RASGRP3: variants seen among roughly 807,000 people sequenced by gnomAD.
The protein encoded by RASGRP3 is ras guanyl-releasing protein 3.
A neutral mutation model predicts 82.7 loss-of-function variants in RASGRP3; 54 were observed. That is an observed-to-expected ratio of 0.65 (90% confidence interval 0.52 to 0.82). The LOEUF (loss-of-function observed/expected upper bound fraction) is 0.82, where lower values mean the gene tolerates loss of function less well. RASGRP3 is among the 40% of genes least tolerant of loss of function. The pLI is 0.00. For synonymous variants in RASGRP3, 309 were observed against 300.5 expected, an observed-to-expected ratio of 1.03 and a Z score of -0.29; for missense variants, 861 against 828.9, an observed-to-expected ratio of 1.04 and a Z score of -0.48.
intron 1 of RASGRP3, among the ~76,000 whole-genome samples, chr2:33,484,050 G>C (rs943093155): frequency 6.6e-6 from 1 of 151,904 alleles, no homozygotes; most frequent in African/African-American, 2.4e-5. Context: ...GTTTTGTTTT[G>C]AGAAAGTAAA....
At chr2:33,442,627 A>G (rs533057777) in intron 1 of RASGRP3, among the ~76,000 whole-genome samples, 33 of 152,368 alleles carry the variant, frequency 2.2e-4, no homozygotes, top group African/African-American at 7.5e-4. Context: ...GGAAAAGATT[A>G]TGATGCACTG....
intron 1 of RASGRP3, among the ~76,000 whole-genome samples, chr2:33,491,599 A>G (rs1181864602): frequency 6.6e-6 from 1 of 152,046 alleles, no homozygotes; most frequent in African/African-American, 2.4e-5. Context: ...TGGTGTAGAG[A>G]TTGCATGTAT....
At chr2:33,560,695 A>G (rs1480970988) in intron 17 of RASGRP3, among the ~76,000 whole-genome samples, 1 of 152,250 alleles carries the variant, frequency 6.6e-6, no homozygotes, top group Non-Finnish European at 1.5e-5. Flanking sequence ...CTGGAATGTC[A>G]GAAAAAGAGC....
intron 1 of RASGRP3, among the ~76,000 whole-genome samples, chr2:33,437,159 A>C (rs1396680778): frequency 6.6e-6 from 1 of 152,218 alleles, no homozygotes; most frequent in Non-Finnish European, 1.5e-5. Context: ...ACAGCACTGA[A>C]TAGTTTCCAG....
At position 33,546,267 on chromosome 2, in the gene RASGRP3, C is replaced by A. The variant is rs948109293; in HGVS notation, c.1394+2640C>A. ...TGAAACTCTGTCTCTACTAAAAATA[C>A]AAAAAATTAGCCAGGCTTGGTGGCG... On this transcript the variant is annotated intron_variant, in intron 13 of 17. Transcript: ENST00000403687. 6.7e-4 allele frequency among the ~76,000 whole-genome samples: 102 copies of A among 151,526 alleles called. 2 individuals carry two copies. The highest frequency in any genetic ancestry group is 9.9e-4 in the Non-Finnish European group (67 of 67,820).
intron 13 of RASGRP3, among the ~76,000 whole-genome samples, chr2:33,545,623 T>C (rs1674655327): frequency 6.6e-6 from 1 of 152,228 alleles, no homozygotes; most frequent in African/African-American, 2.4e-5. Flanking sequence ...CTCTTCATTA[T>C]GAAATCTGTG....
rs774497562 is a variant in RASGRP3 at position 33,543,542 on chromosome 2, G to C, written c.1309G>C (p.Asp437His). Reference sequence around the variant, plus strand: ...ATTTAGAAACTATGATCACGACCATGATGGGTACATTTCCCAAGAGGACTT... The same window carrying C: ...ATTTAGAAACTATGATCACGACCATCATGGGTACATTTCCCAAGAGGACTT... ...SVFRNYDHDH[D>H]GYISQEDFES... The change falls in exon 13 of 18, where the codon GAT becomes CAT. Residue 437 changes from aspartate (D) to histidine (H), a missense_variant. Physicochemically the swap from Asp to His is moderately conservative, Grantham distance 81. Transcript: ENST00000403687. 3.1e-6 allele frequency: 5 copies of C among 1,609,826 alleles called. No individual in the cohort carries two copies. Among genetic ancestry groups the C allele is most frequent in the Middle Eastern group, 1.7e-4 (1 of 6,054 alleles).
At chr2:33,538,417 C>G (rs551610981) in intron 11 of RASGRP3, among the ~76,000 whole-genome samples, 1 of 151,610 alleles carries the variant, frequency 6.6e-6, no homozygotes, top group African/African-American at 2.4e-5. Context: ...GCACAAGAAT[C>G]GCTTGAACTT....
At chr2:33,506,515 G>A (rs917482073) in intron 1 of RASGRP3, among the ~76,000 whole-genome samples, 3 of 152,222 alleles carry the variant, frequency 2.0e-5, no homozygotes, top group East Asian at 3.9e-4. Flanking sequence ...GTCACATTAC[G>A]TTGCGACCAA....
intron 12 of RASGRP3, chr2:33,539,458 G>C: frequency 2.8e-6 from 1 of 353,970 alleles, no homozygotes; most frequent in Non-Finnish European, 5.2e-6. Context: ...CTCTTTCACA[G>C]GCATTTGCCA....
intron 1 of RASGRP3, among the ~76,000 whole-genome samples, chr2:33,447,499 G>C (rs1040321780): frequency 6.6e-6 from 1 of 151,254 alleles, no homozygotes; most frequent in African/African-American, 2.4e-5. Context: ...GCAGTGGTCC[G>C]ATCTTGGCTC....
At chr2:33,523,633 C>T (rs985225475) in intron 7 of RASGRP3, among the ~76,000 whole-genome samples, 1 of 152,042 alleles carries the variant, frequency 6.6e-6, no homozygotes, top group African/African-American at 2.4e-5. Flanking sequence ...CTTTCTCCTC[C>T]CACCAAAGCT....
chr2:33,534,997 C>T (rs1292581057), intron 11 of RASGRP3, among the ~76,000 whole-genome samples: 1 of 151,992 alleles, frequency 6.6e-6, no homozygotes, highest in African/African-American at 2.4e-5. Context: ...CTCATTACAC[C>T]TAGGACCAAA....
intron 17 of RASGRP3, among the ~76,000 whole-genome samples, chr2:33,561,540 G>GGAA (rs1243648976): frequency 6.6e-6 from 1 of 151,566 alleles, no homozygotes; most frequent in Non-Finnish European, 1.5e-5. Context: ...TAGGGAATAA[G>GGAA]GAAGAAGGGA....
At chr2:33,449,217 C>T (rs1052305104) in intron 2 of RASGRP3, among the ~76,000 whole-genome samples, 31 of 152,212 alleles carry the variant, frequency 2.0e-4, no homozygotes, top group Admixed American at 2.0e-3. Flanking sequence ...CACATACCAA[C>T]TTCCTAATCT....
intron 6 of RASGRP3, among the ~76,000 whole-genome samples, chr2:33,521,247 A>G (rs1289829515): frequency 6.6e-6 from 1 of 152,230 alleles, no homozygotes; most frequent in Non-Finnish European, 1.5e-5. Flanking sequence ...GGAGCTGGTT[A>G]GCTCAGTTAT....
At chr2:33,459,980 A>G (rs1415895394) in intron 2 of RASGRP3, among the ~76,000 whole-genome samples, 2 of 152,240 alleles carry the variant, frequency 1.3e-5, no homozygotes, top group Non-Finnish European at 1.5e-5. Flanking sequence ...AGTTCGGTCA[A>G]GGAAAGAATG....
intron 10 of RASGRP3, among the ~76,000 whole-genome samples, chr2:33,530,321 C>G (rs1381506502): frequency 1.3e-5 from 2 of 152,092 alleles, no homozygotes; most frequent in Non-Finnish European, 2.9e-5. Flanking sequence ...TGTTCATCAA[C>G]AATTATGAAA....
At chr2:33,494,799 T>A (rs1321507028) in intron 1 of RASGRP3, among the ~76,000 whole-genome samples, 1 of 152,232 alleles carries the variant, frequency 6.6e-6, no homozygotes, top group Non-Finnish European at 1.5e-5. Context: ...TTTGAGAACT[T>A]TTTCTATTAA....
Sources: allele counts gnomAD v4.1 joint callset (sites outside exome capture counted in the v4.1 genomes callset), GRCh38; gene constraint gnomAD v4.1.1; transcripts MANE v1.5; gene names NCBI Gene and HGNC (gene_info 2026-07-23, HGNC 2026-07-21).